Variants in DNM3 observed in about 807,000 individuals in gnomAD.
DNM3 encodes the protein dynamin-3.
In DNM3, 47 loss-of-function variants were observed where a neutral mutation model predicts 101.6. The ratio of observed to expected loss-of-function variants is 0.46; its 90% CI spans 0.37 to 0.59. DNM3 has a LOEUF of 0.59. Among genes scored for constraint, DNM3 ranks in the 20% least tolerant of loss-of-function variants. DNM3 has a pLI of 0.00. For synonymous variants in DNM3, 385 were observed against 387.9 expected (o/e 0.99, Z 0.09); for missense variants, 849 against 1,085.7 (o/e 0.78, Z 3.06).
At chr1:172,129,692 G>A (rs903484923) in intron 13 of DNM3, among the ~76,000 whole-genome samples, 1 of 152,028 alleles carries the variant, frequency 6.6e-6, no homozygotes, top group Non-Finnish European at 1.5e-5. Context: ...GAACAGTGCA[G>A]GAAAGATCTT....
chr1:172,350,432 A>G (rs1306159084), intron 17 of DNM3, among the ~76,000 whole-genome samples: 1 of 152,018 alleles, frequency 6.6e-6, no homozygotes, highest in East Asian at 1.9e-4. Context: ...TTGCAAACCA[A>G]TATTTTTGTG....
At chr1:172,406,714 AAT>A (rs2070916199) in intron 20 of DNM3, among the ~76,000 whole-genome samples, 2 of 152,028 alleles carry the variant, frequency 1.3e-5, no homozygotes, top group South Asian at 4.1e-4. Flanking sequence ...TATTTTTCAT[AAT>A]AGTTTTCTTA....
chr1:171,874,726 G>A (rs1425015885), intron 1 of DNM3, among the ~76,000 whole-genome samples: 1 of 151,890 alleles, frequency 6.6e-6, no homozygotes, highest in African/African-American at 2.4e-5. Context: ...TAGATTGCAT[G>A]ATGCTGAGGT....
chr1:172,126,471 A>C (rs2056623328), intron 13 of DNM3, among the ~76,000 whole-genome samples: 2 of 152,218 alleles, frequency 1.3e-5, no homozygotes, highest in Admixed American at 1.3e-4. Flanking sequence ...AACTGTTATT[A>C]GTAAAATTTT....
chr1:171,959,848 A>C (rs765174772), intron 2 of DNM3, among the ~76,000 whole-genome samples: 15 of 151,752 alleles, frequency 9.9e-5, no homozygotes, highest in Admixed American at 1.3e-4. Flanking sequence ...ACCTTAGCGA[A>C]CTCTGTTTCA....
intron 2 of DNM3, among the ~76,000 whole-genome samples, chr1:171,986,718 C>A (rs2045286050): frequency 6.6e-6 from 1 of 151,512 alleles, no homozygotes; most frequent in East Asian, 1.9e-4. Flanking sequence ...GCAGCCTCGA[C>A]CTCACAGGCT....
chr1:172,016,619 GAGTT>G (rs2047472330), intron 4 of DNM3, among the ~76,000 whole-genome samples: 3 of 152,154 alleles, frequency 2.0e-5, no homozygotes, highest in Non-Finnish European at 2.9e-5. Context: ...TTTATAGAAA[GAGTT>G]AGTATTTCCT....
intron 2 of DNM3, among the ~76,000 whole-genome samples, chr1:171,954,481 G>A (rs571155713): frequency 1.3e-5 from 2 of 152,302 alleles, no homozygotes; most frequent in East Asian, 1.9e-4. Flanking sequence ...ATTTCTGGAT[G>A]CAAAGTATAT....
In DNM3 at chr1:172,314,712, G is replaced by A. The variant is rs556338689; in HGVS notation, c.1881+5873G>A. On this transcript the variant is annotated intron_variant, in intron 16 of 20. Transcript: ENST00000627582. ...GGGGCGCCCGCCATTGCCCAGGCTT[G>A]CTTAGGTAAACAAAGCAGCCGGGAA... is the stretch of plus-strand genomic sequence containing the variant. 4.8e-3 allele frequency among the ~76,000 whole-genome samples: 734 copies of A among 152,352 alleles called. 4 individuals carry two copies. The highest frequency in any genetic ancestry group is 0.017 in the African/African-American group (693 of 41,590).
intron 15 of DNM3, among the ~76,000 whole-genome samples, chr1:172,261,456 A>C (rs956413410): frequency 1.1e-4 from 17 of 152,260 alleles, no homozygotes; most frequent in African/African-American, 4.1e-4. Context: ...GCTATGAAAA[A>C]GTTTTGCTGA....
At chr1:172,055,382 C>T (rs1174368526) in intron 10 of DNM3, among the ~76,000 whole-genome samples, 2 of 152,056 alleles carry the variant, frequency 1.3e-5, no homozygotes, top group African/African-American at 4.8e-5. Flanking sequence ...CTTTCTCCGA[C>T]TTTTCTATTT....
chr1:172,128,736 G>A (rs1316140776), intron 13 of DNM3, among the ~76,000 whole-genome samples: 4 of 152,156 alleles, frequency 2.6e-5, no homozygotes, highest in South Asian at 2.1e-4. Context: ...AGTGGCTACC[G>A]GCTACACTAT....
At chr1:172,171,511 C>T (rs2058960095) in intron 14 of DNM3, among the ~76,000 whole-genome samples, 3 of 151,686 alleles carry the variant, frequency 2.0e-5, no homozygotes, top group Non-Finnish European at 3.0e-5. Context: ...CTATTTACTA[C>T]AGAAAATAGG....
At chr1:172,196,052 T>C (rs1216472017) in intron 14 of DNM3, among the ~76,000 whole-genome samples, 4 of 151,946 alleles carry the variant, frequency 2.6e-5, no homozygotes, top group Non-Finnish European at 4.4e-5. Context: ...CTCATCTCCC[T>C]CTTCCCACCC....
intron 10 of DNM3, among the ~76,000 whole-genome samples, chr1:172,055,145 C>G (rs1488991628): frequency 1.3e-5 from 2 of 151,988 alleles, no homozygotes; most frequent in African/African-American, 4.8e-5. Context: ...CAATCTTGCC[C>G]CCTGCTTTTC....
At chr1:171,945,116 T>C (rs2042090342) in intron 2 of DNM3, among the ~76,000 whole-genome samples, 1 of 152,054 alleles carries the variant, frequency 6.6e-6, no homozygotes, top group South Asian at 2.1e-4. Context: ...GTAATCCTAC[T>C]GCTTTAGCCT....
At chr1:172,144,904 T>A (rs749183128) in intron 14 of DNM3, 57 of 229,338 alleles carry the variant, frequency 2.5e-4, no homozygotes, top group Non-Finnish European at 4.5e-4. Context: ...GTATGCGCTG[T>A]GCCGCTGGAG....
chr1:171,939,675 C>T (rs191245774), intron 2 of DNM3, among the ~76,000 whole-genome samples: 1 of 152,212 alleles, frequency 6.6e-6, no homozygotes, highest in East Asian at 1.9e-4. Context: ...AAAAGACAAA[C>T]TGTAGAGTTG....
chr1:171,851,448 C>T (rs918065708), intron 1 of DNM3, among the ~76,000 whole-genome samples: 9 of 152,166 alleles, frequency 5.9e-5, no homozygotes, highest in African/African-American at 2.2e-4. Flanking sequence ...CTCGCTCTGT[C>T]GTCCCGGCTG....
Sources: gnomAD v4.1 joint callset for allele counts (sites outside exome capture counted in the v4.1 genomes callset) on GRCh38, gnomAD v4.1.1 for gene constraint, MANE v1.5 for transcripts, NCBI Gene and HGNC (gene_info 2026-07-23, HGNC 2026-07-21) for gene names.